The following MYL6 variants were observed in gnomAD, a reference collection of about 807,000 sequenced individuals.
MYL6 encodes the protein myosin light polypeptide 6.
In MYL6, 20 loss-of-function variants were observed where a neutral mutation model predicts 20.3. The observed-to-expected ratio is 0.98, with a 90% CI of 0.69 to 1.43. The LOEUF is 1.43. Ranked by LOEUF, MYL6 falls within the 40% of genes most tolerant of loss-of-function variation. The pLI is 0.00. For synonymous variants in MYL6, 77 were observed against 72.4 expected (o/e 1.06, Z -0.32); for missense variants, 164 against 191.0 (o/e 0.86, Z 0.83).
chr12:56,161,414 G>A lies in MYL6; in HGVS notation c.*44G>A. 1 of 1,614,190 alleles carries A rather than the reference G, an allele frequency of 6.2e-7. No individual in the cohort carries two copies. Among genetic ancestry groups the A allele is most frequent in the Non-Finnish European group, 8.5e-7 (1 of 1,180,028 alleles). ...CTCGTCCGCATGGTGCTGAATGGCTGAGGACCTTCCCAGTCTCCCCAGAGT... is the reference window on the plus strand; with the variant it reads ...CTCGTCCGCATGGTGCTGAATGGCTAAGGACCTTCCCAGTCTCCCCAGAGT... On this transcript the variant is annotated 3_prime_UTR_variant, in exon 7 of 7. Transcript: ENST00000550697.
Position 56,160,610 on chromosome 12 carries a change from C to T in MYL6, c.428-16C>T. On this transcript the variant is annotated splice_polypyrimidine_tract_variant and intron_variant, in intron 5 of 6. Transcript: ENST00000550697. ...TTTGTCTTGTCTTCACCATGAATGT[C>T]TCTTCCTTCCTGCAGCGTTTGTGAG... is the stretch of plus-strand genomic sequence containing the variant. 1.2e-6 allele frequency: 2 copies of T among 1,614,204 alleles called. No individual in the cohort carries two copies. The highest frequency in any genetic ancestry group is 1.7e-6 in the Non-Finnish European group (2 of 1,179,990).
At chr12:56,159,453 G>A (rs916232795) in intron 2 of MYL6, 134 bp from the exon 3 acceptor site, 1 of 1,212,074 alleles carries the variant, frequency 8.3e-7, no homozygotes, top group African/African-American at 1.5e-5. Flanking sequence ...GCCCTCTTAA[G>A]TAGACTTTGG....
Position 56,158,514 on chromosome 12 carries a change from C to T in MYL6, c.3+110C>T, listed in dbSNP as rs746771619. ...AGGAGGCAAAGGGAATCTGAGGACC[C>T]GAAAGGTTGGAGGTGGGGTTGGAAA... On this transcript the variant is annotated intron_variant, in intron 1 of 6. Transcript: ENST00000550697. 34 of 1,601,260 alleles carry T rather than the reference C, an allele frequency of 2.1e-5. No individual in the cohort carries two copies. In the Middle Eastern group the frequency reaches 3.3e-3, roughly 157 times the overall value.
In MYL6 at chr12:56,158,675, T is replaced by C. The variant is rs1871491048; in HGVS notation, c.4-9T>C. ...TCAGATGCTGACCACTTCCCTCTTC[T>C]CTGAGCAGTGTGACTTCACCGAAGA... On this transcript the variant is annotated splice_polypyrimidine_tract_variant and intron_variant, in intron 1 of 6. Transcript: ENST00000550697. 1 of 1,613,978 alleles carries C rather than the reference T, an allele frequency of 6.2e-7. No individual in the cohort carries two copies. The highest frequency in any genetic ancestry group is 1.1e-5 in the South Asian group (1 of 91,086).
Position 56,161,260 on chromosome 12 carries a change from AC to A in MYL6, c.*17-123del, listed in dbSNP as rs1398601758. 5 of 1,121,480 alleles carry A rather than the reference AC, an allele frequency of 4.5e-6. No homozygotes were observed. In the Admixed American group the frequency reaches 8.5e-5, roughly 19 times the overall value. The allele number at this position is 1,121,480 out of a possible 1,614,324, so 69.5% of individuals were successfully genotyped here. On this transcript the variant is annotated intron_variant, in intron 6 of 6. Coordinates refer to ENST00000550697, the MANE Select transcript of MYL6 (RefSeq NM_021019.5). ...CTCAAGGTGGCTCCTCTGCAAACTG[AC>A]CCCAGGGTTGGTTGCTGTGGGCATG...
intron 5 of MYL6, 86 bp downstream of exon 5, chr12:56,160,406 C>G: frequency 6.4e-7 from 1 of 1,574,122 alleles, no homozygotes; most frequent in Non-Finnish European, 8.7e-7. Context: ...TATCCCTGGA[C>G]TTGGGCTCCA....
At chr12:56,161,261 C>T in intron 6 of MYL6, 126 bp from the exon 7 acceptor site, 1 of 1,146,006 alleles carries the variant, frequency 8.7e-7, no homozygotes, top group Non-Finnish European at 1.3e-6. Flanking sequence ...TGCAAACTGA[C>T]CCCAGGGTTG....
intron 4 of MYL6, 23 bp downstream of exon 4, chr12:56,160,171 T>A (rs1460025227): frequency 1.2e-6 from 2 of 1,613,812 alleles, no homozygotes; most frequent in East Asian, 4.5e-5. Context: ...GTCCTTGTCC[T>A]TGAGCTGAGA....
chr12:56,159,294 G>A (rs1420126966), intron 2 of MYL6: 4 of 382,940 alleles, frequency 1.0e-5, no homozygotes, highest in South Asian at 3.6e-5. Flanking sequence ...GGGCGGTGGC[G>A]AATTCCTGCC....
intron 6 of MYL6, 159 bp from the exon 7 acceptor site, chr12:56,161,228 G>C (rs1871832982): frequency 3.8e-6 from 3 of 784,032 alleles, no homozygotes; most frequent in Admixed American, 1.9e-5. Context: ...ATGGAGAACT[G>C]GTCAGACTCA....
intron 5 of MYL6, 26 bp from the exon 6 acceptor site, chr12:56,160,600 C>T (rs929385966): frequency 3.1e-6 from 5 of 1,614,130 alleles, no homozygotes; most frequent in Non-Finnish European, 4.2e-6. Context: ...CTTGTCTTCA[C>T]CATGAATGTC....
Position 56,158,664 on chromosome 12 carries a change from C to G in MYL6, c.4-20C>G. 1 of 1,614,108 alleles carries G rather than the reference C, an allele frequency of 6.2e-7. No individual in the cohort carries two copies. Among genetic ancestry groups the G allele is most frequent in the Non-Finnish European group, 8.5e-7 (1 of 1,180,010 alleles). The stretch of plus-strand genomic sequence containing the variant: ...GGGATTGGCGTTCAGATGCTGACCA[C>G]TTCCCTCTTCTCTGAGCAGTGTGAC... On this transcript the variant is annotated intron_variant, in intron 1 of 6. Coordinates refer to ENST00000550697, the MANE Select transcript of MYL6 (RefSeq NM_021019.5).
At chr12:56,161,225 A>T (rs1871832576) in intron 6 of MYL6, 162 bp from the exon 7 acceptor site, 2 of 761,882 alleles carry the variant, frequency 2.6e-6, no homozygotes, top group Admixed American at 3.9e-5. Flanking sequence ...GGCATGGAGA[A>T]CTGGTCAGAC....
chr12:56,160,370 T>C (rs200246654), intron 5 of MYL6, 50 bp downstream of exon 5: 1 of 1,607,648 alleles, frequency 6.2e-7, no homozygotes, highest in African/African-American at 1.3e-5. Flanking sequence ...ATGGGGCAGG[T>C]CAAGTATAGT....
chr12:56,160,149 G>A lies in MYL6; in HGVS notation c.349+1G>A, dbSNP rs1350746811. The A allele has an allele frequency of 6.2e-7, 1 of 1,613,916 alleles. No homozygotes were observed. The highest frequency in any genetic ancestry group is 2.2e-5 in the East Asian group (1 of 44,870). ...ATCCGGCATGTTCTTGTCACACTGG[G>A]TAAGGTTCTGTGTCCTTGTCCTTGA... is the stretch of plus-strand genomic sequence containing the variant. On this transcript the variant is annotated splice_donor_variant, in intron 4 of 6. Coordinates refer to ENST00000550697, the MANE Select transcript of MYL6 (RefSeq NM_021019.5). LOFTEE classifies it high-confidence loss of function.
At chr12:56,158,847 T>G in intron 2 of MYL6, 136 bp downstream of exon 2, 1 of 1,508,554 alleles carries the variant, frequency 6.6e-7, no homozygotes, top group Non-Finnish European at 8.8e-7. Context: ...TTTCTCTTCT[T>G]CTGGATCCTC....
At chr12:56,158,616 G>A in intron 1 of MYL6, 68 bp from the exon 2 acceptor site, 2 of 1,614,112 alleles carry the variant, frequency 1.2e-6, no homozygotes, top group Non-Finnish European at 8.5e-7. Flanking sequence ...GTCAGAGTTT[G>A]TGGGGCTGGG....
intron 5 of MYL6, 79 bp downstream of exon 5, chr12:56,160,399 C>T (rs1428736965): frequency 4.4e-6 from 7 of 1,582,006 alleles, no homozygotes; most frequent in African/African-American, 1.3e-5. Flanking sequence ...CTTTCCCTAT[C>T]CCTGGACTTG....
In MYL6 at chr12:56,158,719, A is replaced by C. The variant is rs557395527; in HGVS notation, c.31+8A>C. ...CCGAAGACCAGACCGCAGGTAGGTT[A>C]TCTCTGATCCCTACCGAGGTCACCC... On this transcript the variant is annotated splice_region_variant and intron_variant, in intron 2 of 6. Transcript: ENST00000550697. 5.6e-5 allele frequency: 91 copies of C among 1,613,944 alleles called. 2 individuals are homozygous for C. The East Asian group carries it at 6.9e-4, about 12-fold the overall frequency.
Sources: gnomAD v4.1 joint callset for allele counts on GRCh38, gnomAD v4.1.1 for gene constraint, MANE v1.5 for transcripts, NCBI Gene and HGNC (gene_info 2026-07-23, HGNC 2026-07-21) for gene names.